UBE2E2: variants seen among roughly 807,000 people sequenced by gnomAD.
UBE2E2 encodes ubiquitin-conjugating enzyme E2 E2.
In UBE2E2, 6 loss-of-function variants were observed where a neutral mutation model predicts 24.7. The ratio of observed to expected loss-of-function variants is 0.24; its 90% confidence interval spans 0.13 to 0.48. The LOEUF is 0.48. UBE2E2 is among the 20% of genes least tolerant of loss of function. The probability of loss-of-function intolerance (pLI) is 0.99; values close to 1 mark genes in which losing one functional copy is unlikely to be tolerated. For synonymous variants in UBE2E2, 104 were observed against 83.6 expected, an observed-to-expected ratio of 1.24 and a Z score of -1.33; for missense variants, 169 against 245.0, an observed-to-expected ratio of 0.69 and a Z score of 2.07.
At chr3:23,494,132 G>C (rs540720137) in intron 3 of UBE2E2, among the ~76,000 whole-genome samples, 42 of 152,282 alleles carry the variant, frequency 2.8e-4, no homozygotes, top group African/African-American at 1.0e-3. Context: ...TACTGCAAGT[G>C]TCCTCTGGCA....
At chr3:23,252,694 A>G (rs1388667355) in intron 3 of UBE2E2, among the ~76,000 whole-genome samples, 2 of 152,082 alleles carry the variant, frequency 1.3e-5, no homozygotes, top group African/African-American at 2.4e-5. Flanking sequence ...ACGAGGTTTC[A>G]CCATGTTGCT....
At chr3:23,499,547 T>G in intron 3 of UBE2E2, 61 bp from the exon 4 acceptor site, 1 of 1,558,876 alleles carries the variant, frequency 6.4e-7, no homozygotes, top group Non-Finnish European at 8.7e-7. Context: ...TAAATAGATT[T>G]TGTTAAATTC....
In UBE2E2 at chr3:23,313,386, C is replaced by CTTTTTTTTTTTTTTTTTTTTTTTTTTT. The variant is rs34208918; in HGVS notation, c.227+96093_227+96094insTTTTTTTTTTTTTTTTTTTTTTTTTTT. 2.7e-5 allele frequency among the ~76,000 whole-genome samples: 3 copies of CTTTTTTTTTTTTTTTTTTTTTTTTTTT among 111,872 alleles called. 1 individual carries two copies. The highest frequency in any genetic ancestry group is 5.1e-5 in the Non-Finnish European group (3 of 58,542). 73.4% of individuals were successfully genotyped at this position (111,872 alleles called of 152,430 possible). The stretch of plus-strand genomic sequence containing the variant: ...TCTTGTAGGCAATGGATCATTGGGT[C>CTTTTTTTTTTTTTTTTTTTTTTTTTTT]TTTTTTTTTTTTTTTTTTTGAGGGC... On this transcript the variant is annotated intron_variant, in intron 3 of 5. Coordinates refer to ENST00000396703, the MANE Select transcript of UBE2E2 (RefSeq NM_152653.4).
At position 23,296,066 on chromosome 3, in the gene UBE2E2, A is replaced by G. The variant is rs557715337; in HGVS notation, c.227+78754A>G. On this transcript the variant is annotated intron_variant, in intron 3 of 5. Transcript: ENST00000396703. ...AATAGAAGATAGAGATCTAAATTCT[A>G]GTTCCCTTTCAGTAAGTTTTCAGCT... Among the ~76,000 whole-genome samples the G allele has an allele frequency of 5.9e-5, 9 of 152,296 alleles. No individual in the cohort carries two copies. In the East Asian group the frequency reaches 1.5e-3, roughly 26 times the overall value.
At chr3:23,210,261 T>A (rs914396416) in intron 2 of UBE2E2, among the ~76,000 whole-genome samples, 3 of 152,114 alleles carry the variant, frequency 2.0e-5, no homozygotes, top group African/African-American at 7.2e-5. Context: ...TCTGATTGGG[T>A]TTTTACAGGG....
chr3:23,244,601 T>C (rs1434283232), intron 3 of UBE2E2, among the ~76,000 whole-genome samples: 1 of 152,194 alleles, frequency 6.6e-6, no homozygotes, highest in Non-Finnish European at 1.5e-5. Context: ...GTAAATAACA[T>C]AGCAATGTGT....
At chr3:23,291,705 G>A (rs1013249386) in intron 3 of UBE2E2, among the ~76,000 whole-genome samples, 1 of 23,342 alleles carries the variant, frequency 4.3e-5, no homozygotes, top group African/African-American at 1.6e-4. Context: ...TTTTTTTTTT[G>A]ACAGGGTCAC....
intron 3 of UBE2E2, among the ~76,000 whole-genome samples, chr3:23,498,695 T>A (rs1699657521): frequency 6.6e-6 from 1 of 152,150 alleles, no homozygotes; most frequent in African/African-American, 2.4e-5. Context: ...AAAATACATT[T>A]TCTAGGGGCC....
chr3:23,449,669 A>G (rs1439882079), intron 3 of UBE2E2, among the ~76,000 whole-genome samples: 1 of 152,168 alleles, frequency 6.6e-6, no homozygotes, highest in African/African-American at 2.4e-5. Context: ...ACTGCAGGTG[A>G]TTTTTTCCTA....
At chr3:23,224,961 CTT>C (rs770984995) in intron 3 of UBE2E2, among the ~76,000 whole-genome samples, 28 of 133,806 alleles carry the variant, frequency 2.1e-4, no homozygotes, top group South Asian at 2.4e-4. Context: ...TGATGTTGTC[CTT>C]TTTTTTTTTT....
intron 3 of UBE2E2, among the ~76,000 whole-genome samples, chr3:23,351,697 A>T (rs1310000917): frequency 6.6e-6 from 1 of 152,188 alleles, no homozygotes; most frequent in Non-Finnish European, 1.5e-5. Flanking sequence ...TCCTAAATAT[A>T]TATGCACCCA....
intron 3 of UBE2E2, among the ~76,000 whole-genome samples, chr3:23,319,835 A>C (rs1326654636): frequency 6.6e-6 from 1 of 151,704 alleles, no homozygotes; most frequent in African/African-American, 2.4e-5. Flanking sequence ...ACAACAAAAA[A>C]CAAAAAACAA....
intron 3 of UBE2E2, among the ~76,000 whole-genome samples, chr3:23,455,399 G>A (rs1698656373): frequency 6.6e-6 from 1 of 152,140 alleles, no homozygotes; most frequent in Non-Finnish European, 1.5e-5. Context: ...TGTCTAAAGA[G>A]GACAATGCAT....
intron 3 of UBE2E2, among the ~76,000 whole-genome samples, chr3:23,437,199 G>T (rs991008325): frequency 6.6e-6 from 1 of 152,078 alleles, no homozygotes; most frequent in African/African-American, 2.4e-5. Flanking sequence ...TCTCCTTGTA[G>T]TTTACTTGGC....
chr3:23,217,421 CATT>C (rs1348744166), intron 3 of UBE2E2, 109 bp downstream of exon 3: 4 of 1,013,122 alleles, frequency 3.9e-6, no homozygotes, highest in Middle Eastern at 2.1e-4. Flanking sequence ...GTAAAAACAT[CATT>C]GTTGTTTGAA....
intron 3 of UBE2E2, among the ~76,000 whole-genome samples, chr3:23,459,231 G>T (rs1698756026): frequency 6.6e-6 from 1 of 152,324 alleles, no homozygotes; most frequent in South Asian, 2.1e-4. Context: ...TGGCTCCTAA[G>T]AGATAGTTTT....
chr3:23,505,404 T>C (rs1483354313), intron 4 of UBE2E2, among the ~76,000 whole-genome samples: 2 of 152,164 alleles, frequency 1.3e-5, no homozygotes, highest in Non-Finnish European at 2.9e-5. Context: ...ATTAGGTAGG[T>C]GAGAGAGTCA....
At chr3:23,503,177 GGTTTTTGTTTTT>G (rs149646508) in intron 4 of UBE2E2, among the ~76,000 whole-genome samples, 7 of 149,544 alleles carry the variant, frequency 4.7e-5, no homozygotes, top group East Asian at 2.0e-4. Flanking sequence ...TTGGTTGGTT[GGTTTTTGTTTTT>G]GTTTTTGTTT....
intron 3 of UBE2E2, among the ~76,000 whole-genome samples, chr3:23,302,867 G>T (rs1490871534): frequency 1.3e-5 from 2 of 152,194 alleles, no homozygotes; most frequent in African/African-American, 4.8e-5. Context: ...CCCTGTTCTA[G>T]AGTAGTAACT....
Sources: gnomAD v4.1 joint callset for allele counts (sites outside exome capture counted in the v4.1 genomes callset) on GRCh38, gnomAD v4.1.1 for gene constraint, MANE v1.5 for transcripts, NCBI Gene and HGNC (gene_info 2026-07-23, HGNC 2026-07-21) for gene names.